Variants in MICU3 observed in about 807,000 individuals in gnomAD.
MICU3 encodes calcium uptake protein 3, mitochondrial.
Under a neutral mutation model 66.5 loss-of-function variants are expected in MICU3, and 62 were observed. That is an observed-to-expected ratio of 0.93 (90% CI 0.76 to 1.15). The LOEUF (loss-of-function observed/expected upper bound fraction) is 1.15. Ranked by LOEUF, MICU3 falls within the 50% of genes most tolerant of loss-of-function variation. The pLI is 0.00. For synonymous variants in MICU3, 308 were observed against 240.7 expected, an observed-to-expected ratio of 1.28 and a Z score of -2.59; for missense variants, 779 against 664.4, an observed-to-expected ratio of 1.17 and a Z score of -1.90.
At chr8:17,081,881 A>G in intron 5 of MICU3, 141 bp downstream of exon 5, 2 of 561,670 alleles carry the variant, frequency 3.6e-6, no homozygotes, top group Non-Finnish European at 6.6e-6. Flanking sequence ...CTACAGAAAA[A>G]TGCTAAGCAT....
At chr8:17,044,805 T>C (rs1814783014) in intron 1 of MICU3, among the ~76,000 whole-genome samples, 1 of 152,214 alleles carries the variant, frequency 6.6e-6, no homozygotes, top group South Asian at 2.1e-4. Flanking sequence ...GCAGGTGTAA[T>C]AAGGAGCAGT....
At chr8:17,039,569 T>A (rs563346048) in intron 1 of MICU3, among the ~76,000 whole-genome samples, 1 of 152,314 alleles carries the variant, frequency 6.6e-6, no homozygotes, top group East Asian at 1.9e-4. Context: ...ATATTTGGGT[T>A]TAATGTGACT....
chr8:17,062,720 C>T (rs889452064), intron 1 of MICU3, among the ~76,000 whole-genome samples: 9 of 151,974 alleles, frequency 5.9e-5, no homozygotes, highest in Non-Finnish European at 1.2e-4. Context: ...TCCATGAAGA[C>T]AGTTTGACTA....
At chr8:17,028,451 T>C (rs1263464423) in intron 1 of MICU3, among the ~76,000 whole-genome samples, 2 of 152,218 alleles carry the variant, frequency 1.3e-5, no homozygotes, top group Non-Finnish European at 2.9e-5. Context: ...GAGCGTGATT[T>C]TTTTTGTCGC....
At chr8:17,042,259 T>C (rs887376406) in intron 1 of MICU3, among the ~76,000 whole-genome samples, 5 of 152,244 alleles carry the variant, frequency 3.3e-5, no homozygotes, top group African/African-American at 1.2e-4. Flanking sequence ...GATTTTGTTA[T>C]TTTTGTTTAA....
intron 6 of MICU3, among the ~76,000 whole-genome samples, chr8:17,086,584 T>C (rs1196366751): frequency 1.3e-5 from 2 of 152,130 alleles, no homozygotes; most frequent in African/African-American, 4.8e-5. Context: ...AACTGTATTT[T>C]AGGAACTTTC....
intron 11 of MICU3, among the ~76,000 whole-genome samples, chr8:17,111,868 G>C (rs772300204): frequency 6.6e-6 from 1 of 152,186 alleles, no homozygotes; most frequent in African/African-American, 2.4e-5. Context: ...ATAAAGGAAA[G>C]AGGTTTAATT....
intron 7 of MICU3, among the ~76,000 whole-genome samples, chr8:17,089,830 T>C (rs904765928): frequency 1.3e-5 from 2 of 152,118 alleles, no homozygotes; most frequent in Admixed American, 6.6e-5. Context: ...GTGAAACTTA[T>C]TCTTTAGTTA....
intron 1 of MICU3, chr8:17,049,662 A>T (rs749007811): frequency 3.9e-6 from 2 of 516,568 alleles, no homozygotes; most frequent in East Asian, 1.1e-4. Context: ...TTCCAATATA[A>T]CAAGTTGTGT....
At chr8:17,093,835 G>C (rs567382145) in intron 8 of MICU3, among the ~76,000 whole-genome samples, 35 of 151,912 alleles carry the variant, frequency 2.3e-4, no homozygotes, top group African/African-American at 8.0e-4. Flanking sequence ...CTGTAGTGAT[G>C]ATGAAGCTTT....
At chr8:17,077,918 A>G in intron 4 of MICU3, 57 bp downstream of exon 4, 2 of 1,022,874 alleles carry the variant, frequency 2.0e-6, no homozygotes, top group Non-Finnish European at 2.9e-6. Flanking sequence ...TACTATTTAT[A>G]TATGCATATT....
chr8:17,056,892 G>A (rs1817029502), intron 1 of MICU3, among the ~76,000 whole-genome samples: 1 of 152,230 alleles, frequency 6.6e-6, no homozygotes, highest in South Asian at 2.1e-4. Context: ...GTCATCGCCA[G>A]AGAAATTGCG....
At chr8:17,094,304 G>C (rs1800429219) in intron 8 of MICU3, among the ~76,000 whole-genome samples, 1 of 151,962 alleles carries the variant, frequency 6.6e-6, no homozygotes, top group Non-Finnish European at 1.5e-5. Context: ...ATTGTCGAAA[G>C]TTATTGAGGA....
chr8:17,136,632 C>G, the MICU3 span, among the ~76,000 whole-genome samples: 2 of 152,052 alleles, frequency 1.3e-5, no homozygotes, highest in Non-Finnish European at 2.9e-5. Flanking sequence ...AAGGGCCTCA[C>G]CCTCCCCACC....
At chr8:17,034,863 A>G (rs981483352) in intron 1 of MICU3, among the ~76,000 whole-genome samples, 19 of 152,368 alleles carry the variant, frequency 1.2e-4, no homozygotes, top group African/African-American at 4.3e-4. Flanking sequence ...AAATGACAAC[A>G]AAGATTTGGA....
At chr8:17,137,600 G>T in the MICU3 span, among the ~76,000 whole-genome samples, 1 of 150,856 alleles carries the variant, frequency 6.6e-6, no homozygotes, top group African/African-American at 2.4e-5. Context: ...TCTTTTCTTG[G>T]GATATGGAAA....
chr8:17,064,835 A>G (rs1174290147), intron 2 of MICU3, among the ~76,000 whole-genome samples: 3 of 152,186 alleles, frequency 2.0e-5, no homozygotes, highest in Admixed American at 1.3e-4. Flanking sequence ...TGGACAGTAA[A>G]AAAAGGAGTA....
the MICU3 span, among the ~76,000 whole-genome samples, chr8:17,137,331 A>G: frequency 6.6e-6 from 1 of 152,044 alleles, no homozygotes; most frequent in African/African-American, 2.4e-5. Flanking sequence ...AGCAGTAAAC[A>G]TCATACTAAT....
intron 1 of MICU3, among the ~76,000 whole-genome samples, chr8:17,030,115 G>T (rs1172116904): frequency 6.6e-6 from 1 of 152,036 alleles, no homozygotes; most frequent in Non-Finnish European, 1.5e-5. Context: ...CTATATGGCT[G>T]CTATATTTTC....
Sources: allele counts gnomAD v4.1 joint callset (sites outside exome capture counted in the v4.1 genomes callset), GRCh38; gene constraint gnomAD v4.1.1; transcripts MANE v1.5; gene names NCBI Gene and HGNC (gene_info 2026-07-23, HGNC 2026-07-21).